Variants in SEL1L2 observed in about 807,000 individuals in gnomAD.
SEL1L2 encodes the protein protein sel-1 homolog 2.
Under a neutral mutation model 98.8 loss-of-function variants are expected in SEL1L2, and 89 were observed. The observed-to-expected ratio is 0.90, with a 90% CI of 0.76 to 1.07. The LOEUF (loss-of-function observed/expected upper bound fraction) is 1.07. Among genes scored for constraint, SEL1L2 ranks in the 50% least tolerant of loss-of-function variants. The pLI, the probability that SEL1L2 is intolerant of heterozygous loss-of-function variation, is 0.00. For synonymous variants in SEL1L2, 262 were observed against 278.5 expected, an observed-to-expected ratio of 0.94 and a Z score of 0.59; for missense variants, 788 against 812.0, an observed-to-expected ratio of 0.97 and a Z score of 0.36.
intron 3 of SEL1L2, among the ~76,000 whole-genome samples, chr20:13,930,794 A>G (rs2049110267): frequency 6.6e-6 from 1 of 152,184 alleles, no homozygotes; most frequent in African/African-American, 2.4e-5. Flanking sequence ...TTCATAACCC[A>G]TGGTTCTCAA....
rs768382921 is a variant in SEL1L2 at position 13,877,544 on chromosome 20, T to C, written c.1002A>G (p.Ala334=). 8.1e-6 allele frequency: 13 copies of C among 1,613,218 alleles called. No individual in the cohort carries two copies. In the Admixed American group the frequency reaches 2.2e-4, roughly 27 times the overall value. ...YFLKAAKAGS[A]NAMAFIGKMY... is the part of the protein sequence containing the mutation. ...CCTTTCCTATAAATGCCATGGCATT[T>C]GCACTCCCGGCCTTTGCTGCCTTTA... Residue 334 remains alanine (A), a synonymous_variant, in exon 11 of 20, where the codon GCA becomes GCG. Coordinates refer to ENST00000284951, the MANE Select transcript of SEL1L2 (RefSeq NM_025229.2).
chr20:13,871,106 C>T (rs1385015725), intron 12 of SEL1L2, among the ~76,000 whole-genome samples: 1 of 151,860 alleles, frequency 6.6e-6, no homozygotes, highest in Non-Finnish European at 1.5e-5. Flanking sequence ...TATCCAGACA[C>T]TTGTTACCTA....
chr20:13,861,459 G>A (rs1600485669), intron 17 of SEL1L2, among the ~76,000 whole-genome samples: 1 of 151,518 alleles, frequency 6.6e-6, no homozygotes, highest in African/African-American at 2.4e-5. Context: ...ATATATATAT[G>A]TATAATATAT....
At chr20:13,964,282 G>A (rs1297146727) in intron 1 of SEL1L2, among the ~76,000 whole-genome samples, 1 of 152,072 alleles carries the variant, frequency 6.6e-6, no homozygotes, top group African/African-American at 2.4e-5. Context: ...GGGAGGCCAA[G>A]TTTGAATTTG....
chr20:13,977,277 C>T (rs900192460), intron 1 of SEL1L2, among the ~76,000 whole-genome samples: 5 of 151,870 alleles, frequency 3.3e-5, no homozygotes, highest in African/African-American at 1.2e-4. Context: ...AGCCAAGCAC[C>T]GAACCTTGGG....
intron 18 of SEL1L2, among the ~76,000 whole-genome samples, chr20:13,856,919 TACTTGATG>T (rs1989254750): frequency 6.6e-6 from 1 of 152,214 alleles, no homozygotes; most frequent in Non-Finnish European, 1.5e-5. Context: ...AATGCTTAAT[TACTTGATG>T]ACTTAACTGC....
chr20:13,860,181 A>G (rs1017132543), intron 17 of SEL1L2, among the ~76,000 whole-genome samples: 4 of 152,146 alleles, frequency 2.6e-5, no homozygotes, highest in Non-Finnish European at 4.4e-5. Context: ...CCATTCAAAC[A>G]CGCTCTGGCA....
At chr20:13,920,558 T>C (rs949192699) in intron 3 of SEL1L2, among the ~76,000 whole-genome samples, 1 of 146,140 alleles carries the variant, frequency 6.8e-6, no homozygotes, top group Non-Finnish European at 1.5e-5. Flanking sequence ...CACACTATTT[T>C]TCTCTCTCTC....
At chr20:13,979,884 G>T (rs1366380792) in intron 1 of SEL1L2, among the ~76,000 whole-genome samples, 1 of 152,022 alleles carries the variant, frequency 6.6e-6, no homozygotes, top group Non-Finnish European at 1.5e-5. Context: ...CTAAAAATCT[G>T]TACAGCAAAG....
intron 4 of SEL1L2, among the ~76,000 whole-genome samples, chr20:13,915,682 T>A (rs1042574031): frequency 2.0e-5 from 3 of 152,134 alleles, no homozygotes; most frequent in African/African-American, 7.2e-5. Flanking sequence ...CCAAGGGCAG[T>A]GTGGGCATAT....
chr20:13,963,768 C>A (rs537270663), intron 1 of SEL1L2, among the ~76,000 whole-genome samples: 2 of 152,004 alleles, frequency 1.3e-5, no homozygotes, highest in Non-Finnish European at 2.9e-5. Flanking sequence ...AGCAAAAAAA[C>A]CATTTTCCCC....
In SEL1L2 at chr20:13,920,027, G is replaced by C. The variant is rs575279270; in HGVS notation, c.284-904C>G. ...GCGGATCACTTGAGGTCAGGAGTTT[G>C]AGACTAGCCTGGCCAACATGGTGAA... is the stretch of plus-strand genomic sequence containing the variant. On this transcript the variant is annotated intron_variant, in intron 3 of 19. Transcript: ENST00000284951. Among the ~76,000 whole-genome samples, 405 of 151,864 alleles carry C rather than the reference G, an allele frequency of 2.7e-3. 2 individuals are homozygous for C. The highest frequency in any genetic ancestry group is 4.6e-3 in the Admixed American group (70 of 15,234).
chr20:13,900,765 C>T (rs2047635766), intron 5 of SEL1L2, among the ~76,000 whole-genome samples: 1 of 152,154 alleles, frequency 6.6e-6, no homozygotes, highest in African/African-American at 2.4e-5. Flanking sequence ...GCACTACCTC[C>T]GGTGTCCTCC....
chr20:13,958,465 GTTTAT>G (rs2050639144), intron 1 of SEL1L2, among the ~76,000 whole-genome samples: 2 of 152,124 alleles, frequency 1.3e-5, no homozygotes, highest in African/African-American at 4.8e-5. Flanking sequence ...ATTACTTGCT[GTTTAT>G]TTTATGTTTA....
chr20:13,894,401 A>G (rs1165474903), intron 5 of SEL1L2, among the ~76,000 whole-genome samples: 1 of 152,166 alleles, frequency 6.6e-6, no homozygotes, highest in Non-Finnish European at 1.5e-5. Context: ...CTTTAATAAA[A>G]ATACAAAAAT....
intron 1 of SEL1L2, 83 bp downstream of exon 1, chr20:13,990,394 C>T (rs2052486555): frequency 2.2e-6 from 2 of 927,128 alleles, no homozygotes; most frequent in African/African-American, 1.7e-5. Context: ...TACTTCTAGT[C>T]TTTTAATTGG....
In SEL1L2 at chr20:13,983,023, C is replaced by CAAAAAAAAAAA. The variant is rs57993052; in HGVS notation, c.58+7443_58+7453dup. ...TGGGCAACAGAGCAAGACTCCATCT[C>CAAAAAAAAAAA]AAAAAAAAAAAAAAAAAAAAAAAAA... is the stretch of plus-strand genomic sequence containing the variant. On this transcript the variant is annotated intron_variant, in intron 1 of 19. Coordinates refer to ENST00000284951, the MANE Select transcript of SEL1L2 (RefSeq NM_025229.2). Among the ~76,000 whole-genome samples the CAAAAAAAAAAA allele has an allele frequency of 1.0e-3, 16 of 15,562 alleles. 1 individual carries two copies. Among genetic ancestry groups the CAAAAAAAAAAA allele is most frequent in the Middle Eastern group, 0.045 (1 of 22 alleles). 10.2% of individuals were successfully genotyped at this position (15,562 alleles called of 152,430 possible).
At chr20:13,881,378 A>G (rs1348728908) in intron 10 of SEL1L2, among the ~76,000 whole-genome samples, 1 of 152,146 alleles carries the variant, frequency 6.6e-6, no homozygotes, top group Non-Finnish European at 1.5e-5. Flanking sequence ...CTCTTTTTCT[A>G]AATTTTTAAA....
intron 17 of SEL1L2, among the ~76,000 whole-genome samples, chr20:13,861,968 C>A (rs1039898036): frequency 1.3e-4 from 20 of 152,150 alleles, no homozygotes; most frequent in Non-Finnish European, 8.8e-5. Flanking sequence ...AGTTATCTAC[C>A]TCATCTCCAT....
Sources: allele counts gnomAD v4.1 joint callset (sites outside exome capture counted in the v4.1 genomes callset), GRCh38; gene constraint gnomAD v4.1.1; transcripts MANE v1.5; gene names NCBI Gene and HGNC (gene_info 2026-07-23, HGNC 2026-07-21).